The following ZP4 variants were observed in gnomAD, a reference collection of about 807,000 sequenced individuals.
The protein encoded by ZP4 is zona pellucida glycoprotein 4.
A neutral mutation model predicts 62.3 loss-of-function variants in ZP4; 62 were observed. The observed-to-expected ratio is 0.99, with a 90% CI of 0.81 to 1.23. The LOEUF (loss-of-function observed/expected upper bound fraction) is 1.23. Ranked by LOEUF, ZP4 falls within the 50% of genes most tolerant of loss-of-function variation. The pLI, the probability that ZP4 is intolerant of heterozygous loss-of-function variation, is 0.00. For synonymous variants in ZP4, 289 were observed against 247.3 expected (o/e 1.17, Z -1.58); for missense variants, 774 against 656.0 (o/e 1.18, Z -1.97).
chr1:237,883,061 G>A (rs539428285), intron 10 of ZP4, among the ~76,000 whole-genome samples: 54 of 152,142 alleles, frequency 3.5e-4, no homozygotes, highest in Non-Finnish European at 7.2e-4. Flanking sequence ...AAAGATGTTA[G>A]AAACTATCCC....
rs1199900241 is a variant in ZP4 at position 237,884,013 on chromosome 1, C to CAA, written c.1390+755_1390+756insTT. Among the ~76,000 whole-genome samples the CAA allele has an allele frequency of 3.9e-4, 31 of 80,478 alleles. 2 individuals are homozygous for CAA. Among genetic ancestry groups the CAA allele is most frequent in the African/African-American group, 1.4e-3 (24 of 17,588 alleles). 52.8% of individuals were successfully genotyped at this position (80,478 alleles called of 152,430 possible). On this transcript the variant is annotated intron_variant, in intron 10 of 11. Transcript: ENST00000366570. ...ACACACACACACACACACACACACA[C>CAA]ACAAACACACACACACACAAACACA...
At position 237,889,911 on chromosome 1, in the gene ZP4, A is replaced by G. The variant is rs765009019; in HGVS notation, c.356T>C (p.Val119Ala). Residue 119 changes from valine (V) to alanine (A), a missense_variant, in exon 3 of 12, where the codon GTG becomes GCG. Transcript: ENST00000366570. ...VEGAGAAEHK[V>A]VTERKLLKCP... Reference sequence around the variant, plus strand: ...CTTGAGCAGCTTCCTCTCTGTAACCACCTTGTGTTCAGCCGCGCCTGCTCC... The same window carrying G: ...CTTGAGCAGCTTCCTCTCTGTAACCGCCTTGTGTTCAGCCGCGCCTGCTCC... 3.7e-6 allele frequency: 6 copies of G among 1,612,240 alleles called. No individual in the cohort carries two copies. Among genetic ancestry groups the G allele is most frequent in the African/African-American group, 1.3e-5 (1 of 74,210 alleles).
intron 10 of ZP4, among the ~76,000 whole-genome samples, chr1:237,883,983 A>AAACACACACAC (rs1665013667): frequency 4.7e-5 from 2 of 42,394 alleles, no homozygotes; most frequent in African/African-American, 1.8e-4. Flanking sequence ...CACACACACA[A>AAACACACACAC]ACACACACAC....
intron 10 of ZP4, among the ~76,000 whole-genome samples, chr1:237,883,993 C>CACACACACACAA (rs2103015494): frequency 2.4e-5 from 2 of 82,360 alleles, no homozygotes; most frequent in African/African-American, 1.1e-4. Flanking sequence ...AACACACACA[C>CACACACACACAA]ACACACACAC....
At chr1:237,883,375 G>A (rs1051124576) in intron 10 of ZP4, among the ~76,000 whole-genome samples, 3 of 151,484 alleles carry the variant, frequency 2.0e-5, no homozygotes, top group African/African-American at 7.3e-5. Context: ...AAGCTTTCTG[G>A]AGTTTGAGAC....
chr1:237,885,316 C>G lies in ZP4; in HGVS notation c.1161-1G>C, dbSNP rs978587981. On this transcript the variant is annotated splice_acceptor_variant, in intron 8 of 11. Transcript: ENST00000366570. LOFTEE classifies it high-confidence loss of function. ...ATAGTTGTCTCCAATGTAGGGGCAG[C>G]TAGACCAAGAGACCCAGCAGTCAGG... 2.5e-6 allele frequency: 4 copies of G among 1,613,728 alleles called. No homozygotes were observed. Among genetic ancestry groups the G allele is most frequent in the East Asian group, 4.5e-5 (2 of 44,860 alleles).
In ZP4 at chr1:237,890,752, T is replaced by C; in HGVS notation, c.-117A>G. 1 of 1,187,016 alleles carries C rather than the reference T, an allele frequency of 8.4e-7. No homozygotes were observed. Among genetic ancestry groups the C allele is most frequent in the South Asian group, 1.6e-5 (1 of 61,470 alleles). The allele number at this position is 1,187,016 out of a possible 1,614,324, so 73.5% of individuals were successfully genotyped here. A position where few individuals can be genotyped will look rare whatever the true frequency, so the allele number is the denominator to read the frequency against. ...AGTCAGGCTTGTTTTCAGCTGCACA[T>C]CTTTGTGACACTCAGGTGGGATGCC... On this transcript the variant is annotated 5_prime_UTR_variant, in exon 1 of 12. It removes an upstream start codon present in the reference 5' UTR. Transcript: ENST00000366570.
chr1:237,885,230 G>A lies in ZP4; in HGVS notation c.1246C>T (p.Arg416Cys), dbSNP rs139132490. ...AAGCTGAAGGTGAAGATGCTGAAGC[G>A]CTGGTGGTGAGAGGGAAATGGAAGA... ...LDLPFPSHHQ[R>C]FSIFTFSFVN... Residue 416 changes from arginine (R) to cysteine (C), a missense_variant, in exon 9 of 12, where the codon CGC (arginine) becomes TGC (cysteine). Coordinates refer to ENST00000366570, the MANE Select transcript of ZP4 (RefSeq NM_021186.5). 34 of 1,614,040 alleles carry A rather than the reference G, an allele frequency of 2.1e-5. No homozygotes were observed. The highest frequency in any genetic ancestry group is 2.5e-5 in the Non-Finnish European group (29 of 1,180,046).
chr1:237,883,178 G>T (rs967512875), intron 10 of ZP4, among the ~76,000 whole-genome samples: 2 of 152,188 alleles, frequency 1.3e-5, no homozygotes, highest in Non-Finnish European at 1.5e-5. Context: ...CTTGGAGGCT[G>T]AGATGCAGAG....
intron 6 of ZP4, 128 bp from the exon 7 acceptor site, chr1:237,886,014 G>A (rs1352547785): frequency 3.1e-6 from 4 of 1,291,102 alleles, no homozygotes; most frequent in Middle Eastern, 2.3e-4. Context: ...TGTGGTTCCT[G>A]CCCTGCTGGG....
At chr1:237,890,382 C>G in intron 1 of ZP4, 79 bp downstream of exon 1, 1 of 1,529,338 alleles carries the variant, frequency 6.5e-7, no homozygotes, top group Non-Finnish European at 8.9e-7. Context: ...AGTATCAATA[C>G]GGGAAGATAG....
rs1267348370 is a variant in ZP4 at position 237,882,537 on chromosome 1, T to C, written c.1508A>G (p.Asp503Gly). The C allele has an allele frequency of 1.2e-6, 2 of 1,602,768 alleles. No homozygotes were observed. The highest frequency in any genetic ancestry group is 1.7e-6 in the Non-Finnish European group (2 of 1,176,554). ...GCCTGCCACCCACAGAACTTTCGAGTCTACAGGAACACCTGGAGGATGGAT... is the reference window on the plus strand; with the variant it reads ...GCCTGCCACCCACAGAACTTTCGAGCCTACAGGAACACCTGGAGGATGGAT... ...DPPEKLRVPV[D>G]SKVLWVAGLS... is the part of the protein sequence containing the mutation. The change falls in exon 12 of 12, where the codon GAC becomes GGC. Residue 503 changes from aspartate to glycine, a missense_variant. Physicochemically the swap from Asp to Gly is moderately conservative, Grantham distance 94. Transcript: ENST00000366570.
At position 237,882,956 on chromosome 1, in the gene ZP4, C is replaced by T. The variant is rs543182060; in HGVS notation, c.1391-110G>A. The T allele has an allele frequency of 3.5e-4, 253 of 733,146 alleles. 1 individual carries two copies. The East Asian group carries it at 6.4e-3, about 19-fold the overall frequency. The allele number at this position is 733,146 out of a possible 1,614,324, so 45.4% of individuals were successfully genotyped here. ...GTCTCTATAAAGCTTGGTTCTATGC[C>T]TTACAAAAACCTCATTAAGTATATT... On this transcript the variant is annotated intron_variant, in intron 10 of 11. Coordinates refer to ENST00000366570, the MANE Select transcript of ZP4 (RefSeq NM_021186.5).
At chr1:237,887,336 C>T in intron 5 of ZP4, 38 bp downstream of exon 5, 1 of 1,603,594 alleles carries the variant, frequency 6.2e-7, no homozygotes, top group Non-Finnish European at 8.5e-7. Flanking sequence ...ACCTTCCCAC[C>T]CAACTTCCAG....
intron 3 of ZP4, among the ~76,000 whole-genome samples, 174 bp downstream of exon 3, chr1:237,889,693 G>A (rs936863958): frequency 2.0e-5 from 3 of 152,134 alleles, no homozygotes; most frequent in African/African-American, 7.2e-5. Context: ...TGGCATTGAG[G>A]AGTCTCAATT....
At position 237,885,615 on chromosome 1, in the gene ZP4, A is replaced by C. The variant is rs373069278; in HGVS notation, c.971-35T>G. The C allele has an allele frequency of 2.5e-6, 4 of 1,605,602 alleles. No homozygotes were observed. In the African/African-American group the frequency reaches 4.0e-5, roughly 16 times the overall value. On this transcript the variant is annotated intron_variant, in intron 7 of 11. Coordinates refer to ENST00000366570, the MANE Select transcript of ZP4 (RefSeq NM_021186.5). ...GCAGAAATAAGGATTTGAAGTAGTA[A>C]TCTCTCAGTGACTTGAGGGACTGTC...
chr1:237,888,967 G>T (rs990259886), intron 3 of ZP4, among the ~76,000 whole-genome samples: 3 of 152,164 alleles, frequency 2.0e-5, no homozygotes, highest in Admixed American at 6.5e-5. Flanking sequence ...AGGAAGGCAG[G>T]TGAGAAGAGT....
rs1558530960 is a variant in ZP4, at chr1:237,884,007, CACACACACAAACACACACACACACAA to C, written c.1390+736_1390+761del. On this transcript the variant is annotated intron_variant, in intron 10 of 11. Coordinates refer to ENST00000366570, the MANE Select transcript of ZP4 (RefSeq NM_021186.5). Reference sequence around the variant, plus strand: ...AAACACACACACACACACACACACACACACACACAAACACACACACACACAAACACACACAAACACACACAAACACA... The same window carrying C: ...AAACACACACACACACACACACACACACACACACAAACACACACAAACACA... Among the ~76,000 whole-genome samples, 225 of 92,516 alleles carry C rather than the reference CACACACACAAACACACACACACACAA, an allele frequency of 2.4e-3. 1 individual carries two copies. Among genetic ancestry groups the C allele is most frequent in the African/African-American group, 4.9e-3 (114 of 23,364 alleles). The allele number at this position is 92,516 out of a possible 152,430, so 60.7% of individuals were successfully genotyped here.
intron 3 of ZP4, among the ~76,000 whole-genome samples, chr1:237,889,315 ATTTTTTT>A (rs11348205): frequency 8.0e-6 from 1 of 125,758 alleles, no homozygotes; most frequent in Non-Finnish European, 1.7e-5. Flanking sequence ...GATAGGTTGT[ATTTTTTT>A]TTTTTTTTTT....
Sources: gnomAD v4.1 joint callset for allele counts (sites outside exome capture counted in the v4.1 genomes callset) on GRCh38, gnomAD v4.1.1 for gene constraint, MANE v1.5 for transcripts, NCBI Gene and HGNC (gene_info 2026-07-23, HGNC 2026-07-21) for gene names.